The following LRRC4B variants were observed in gnomAD, a reference collection of about 807,000 sequenced individuals.
The protein encoded by LRRC4B is leucine rich repeat containing 4B, also known as leucine-rich repeat-containing protein 4B.
In LRRC4B, 1 loss-of-function variant was observed where a neutral mutation model predicts 7.3. The observed-to-expected ratio is 0.14, with a 90% CI of 0.05 to 0.65. The LOEUF is 0.65. Among genes scored for constraint, LRRC4B ranks in the 30% least tolerant of loss-of-function variants. LRRC4B has a pLI of 0.84. For missense variants in LRRC4B, 730 were observed against 1,041.6 expected (o/e 0.70, Z 4.12); for synonymous variants, 500 against 499.2 (o/e 1.00, Z -0.02).
intron 1 of LRRC4B, among the ~76,000 whole-genome samples, chr19:50,559,862 A>G (rs1982407757): frequency 1.3e-5 from 2 of 152,134 alleles, no homozygotes; most frequent in Non-Finnish European, 2.9e-5. Flanking sequence ...GGCCGGGCGC[A>G]GTGGCTCACG....
At position 50,556,689 on chromosome 19, in the gene LRRC4B, A is replaced by G. The variant is rs577077292; in HGVS notation, c.-35-7816T>C. 3.9e-5 allele frequency among the ~76,000 whole-genome samples: 6 copies of G among 152,278 alleles called. No homozygotes were observed. In the South Asian group the frequency reaches 8.3e-4, roughly 21 times the overall value. ...CCGCGGCGTCCACGGCTGCATCCTCAAGGCCGGCCAACGGCGCTGGCCCCT... is the reference window on the plus strand; with the variant it reads ...CCGCGGCGTCCACGGCTGCATCCTCGAGGCCGGCCAACGGCGCTGGCCCCT... On this transcript the variant is annotated intron_variant, in intron 1 of 2. Transcript: ENST00000652263. This position sits in a 1 kb window ranked among gnomAD's most constrained non-coding sequence, Gnocchi z 4.2.
At position 50,549,927 on chromosome 19, in the gene LRRC4B, G is replaced by C. The variant is rs571514924; in HGVS notation, c.-35-1054C>G. Reference sequence around the variant, plus strand: ...GGGTTCTGGGAGGAAAGCAGACAGCGGGGACTCGGGCCCTCTGAGAAGTCA... The same window carrying C: ...GGGTTCTGGGAGGAAAGCAGACAGCCGGGACTCGGGCCCTCTGAGAAGTCA... On this transcript the variant is annotated intron_variant, in intron 1 of 2. Coordinates refer to ENST00000652263, the MANE Select transcript of LRRC4B (RefSeq NM_001080457.2). 4.6e-5 allele frequency among the ~76,000 whole-genome samples: 7 copies of C among 152,272 alleles called. No individual in the cohort carries two copies. The South Asian group carries it at 1.5e-3, about 32-fold the overall frequency.
chr19:50,534,323 G>A (rs1437166799), intron 2 of LRRC4B, among the ~76,000 whole-genome samples: 2 of 152,106 alleles, frequency 1.3e-5, no homozygotes, highest in African/African-American at 2.4e-5. Context: ...CACCTCTGAA[G>A]TTGTGAGTGT....
intron 1 of LRRC4B, among the ~76,000 whole-genome samples, chr19:50,552,631 T>TGCGC (rs1568733925): frequency 9.2e-6 from 1 of 108,374 alleles, no homozygotes; most frequent in African/African-American, 3.8e-5. Context: ...CATCCATTCA[T>TGCGC]CCATCCGCCC....
chr19:50,559,121 A>AAAAAAG (rs375775863), intron 1 of LRRC4B, among the ~76,000 whole-genome samples: 80 of 152,284 alleles, frequency 5.3e-4, no homozygotes, highest in African/African-American at 1.5e-3. Flanking sequence ...AACTTCCAAA[A>AAAAAAG]AAAAAGAAAA....
In LRRC4B at chr19:50,517,778, G is replaced by T; in HGVS notation, c.1935C>A (p.Gly645=). The change falls in exon 3 of 3, where the codon GGC becomes GGA. Residue 645 remains glycine, a synonymous_variant. Coordinates refer to ENST00000652263, the MANE Select transcript of LRRC4B (RefSeq NM_001080457.2). The surrounding 1 kb of genome is among the most constrained non-coding windows in gnomAD (Gnocchi z 6.6). ...AAAVASGGGV[G]GDSHLALPAL... The stretch of plus-strand genomic sequence containing the variant: ...CGGGCAGGGCCAGGTGGCTGTCCCC[G>T]CCCACACCACCCCCACTGGCCACGG... The T allele has an allele frequency of 6.6e-7, 1 of 1,525,388 alleles. No individual in the cohort carries two copies. 94.5% of individuals were successfully genotyped at this position (1,525,388 alleles called of 1,614,324 possible).
intron 1 of LRRC4B, among the ~76,000 whole-genome samples, chr19:50,550,051 C>G (rs1981988540): frequency 6.6e-6 from 1 of 152,310 alleles, no homozygotes; most frequent in Admixed American, 6.5e-5. Flanking sequence ...TAACAATAGT[C>G]TCTCCGGAAC....
rs12151245 is a variant in LRRC4B, at chr19:50,543,368, C to G, written c.297+5174G>C. Among the ~76,000 whole-genome samples, 432 of 86,978 alleles carry G rather than the reference C, an allele frequency of 5.0e-3. 5 individuals carry two copies. Among genetic ancestry groups the G allele is most frequent in the African/African-American group, 0.018 (363 of 20,640 alleles). 57.1% of individuals were successfully genotyped at this position (86,978 alleles called of 152,430 possible). The stretch of plus-strand genomic sequence containing the variant: ...TGTGTGTGTGTGTGTGTGTGTGTGT[C>G]TCTGTGTGTAAGGGAGAAGTACACT... On this transcript the variant is annotated intron_variant, in intron 2 of 2. Transcript: ENST00000652263.
At chr19:50,559,370 G>A (rs1019090099) in intron 1 of LRRC4B, among the ~76,000 whole-genome samples, 7 of 152,162 alleles carry the variant, frequency 4.6e-5, no homozygotes, top group African/African-American at 1.7e-4. Flanking sequence ...GGAGGCAGAG[G>A]TTGCAGTGAG....
At chr19:50,565,597 G>T in intron 1 of LRRC4B, among the ~76,000 whole-genome samples, 1 of 151,596 alleles carries the variant, frequency 6.6e-6, no homozygotes, top group African/African-American at 2.4e-5. Context: ...CACGTGCCCC[G>T]TGTCTTCCTC....
At chr19:50,551,298 C>A (rs868423975) in intron 1 of LRRC4B, among the ~76,000 whole-genome samples, 1 of 151,352 alleles carries the variant, frequency 6.6e-6, no homozygotes, top group Non-Finnish European at 1.5e-5. Context: ...GGCTTCCTGT[C>A]GAGATCGTGC....
At chr19:50,528,163 C>T (rs1437746694) in intron 2 of LRRC4B, among the ~76,000 whole-genome samples, 1 of 152,110 alleles carries the variant, frequency 6.6e-6, no homozygotes, top group East Asian at 1.9e-4. Context: ...CCACCTCAGC[C>T]TCCCAAGTAG....
At chr19:50,521,847 C>T (rs2122774894) in intron 2 of LRRC4B, among the ~76,000 whole-genome samples, 1 of 152,228 alleles carries the variant, frequency 6.6e-6, no homozygotes, top group Middle Eastern at 3.4e-3. Context: ...CAGGCGTGAA[C>T]CACCGTGCCC....
At position 50,548,680 on chromosome 19, in the gene LRRC4B, C is replaced by A; in HGVS notation, c.159G>T (p.Pro53=). 1.3e-6 allele frequency: 2 copies of A among 1,553,376 alleles called. No individual in the cohort carries two copies. The highest frequency in any genetic ancestry group is 2.4e-5 in the East Asian group (1 of 41,822). Reference sequence around the variant, plus strand: ...AGCAGGCCACGGGGCAGGAGGTGGCCGGCGGGGAGCCCCCTCCGGCGGCAG... The same window carrying A: ...AGCAGGCCACGGGGCAGGAGGTGGCAGGCGGGGAGCCCCCTCCGGCGGCAG... ...VTSAAGGGSP[P]ATSCPVACSC... Residue 53 remains proline (P), a synonymous_variant, in exon 2 of 3, where the codon CCG becomes CCT. Coordinates refer to ENST00000652263, the MANE Select transcript of LRRC4B (RefSeq NM_001080457.2). The surrounding 1 kb of genome is among the most constrained non-coding windows in gnomAD (Gnocchi z 6.8).
At position 50,543,852 on chromosome 19, in the gene LRRC4B, C is replaced by CAAAAAA. The variant is rs36044151; in HGVS notation, c.297+4684_297+4689dup. ...TGGGTGACAGAGTGAGCCTCCATCT[C>CAAAAAA]AAAAAAAAAAAAAAAAAAAAAGAAA... On this transcript the variant is annotated intron_variant, in intron 2 of 2. Coordinates refer to ENST00000652263, the MANE Select transcript of LRRC4B (RefSeq NM_001080457.2). Among the ~76,000 whole-genome samples, 143 of 83,326 alleles carry CAAAAAA rather than the reference C, an allele frequency of 1.7e-3. 1 individual carries two copies. The highest frequency in any genetic ancestry group is 6.7e-3 in the African/African-American group (133 of 19,918). 54.7% of individuals were successfully genotyped at this position (83,326 alleles called of 152,430 possible). A position where few individuals can be genotyped will look rare whatever the true frequency, so the allele number is the denominator to read the frequency against.
At chr19:50,544,453 G>A (rs1981709395) in intron 2 of LRRC4B, among the ~76,000 whole-genome samples, 2 of 151,360 alleles carry the variant, frequency 1.3e-5, no homozygotes, top group Admixed American at 1.3e-4. Flanking sequence ...CTTGCAGTGA[G>A]CCGAGATCAC....
intron 2 of LRRC4B, among the ~76,000 whole-genome samples, chr19:50,532,283 G>A (rs1354299073): frequency 9.9e-5 from 15 of 152,268 alleles, no homozygotes; most frequent in Middle Eastern, 3.4e-3. Context: ...CACTGGTCCT[G>A]TCTCTGGGCT....
rs752550061 is a variant in LRRC4B, at chr19:50,518,880, G to A, written c.833C>T (p.Ser278Leu). The A allele has an allele frequency of 5.0e-6, 8 of 1,614,078 alleles. 1 individual carries two copies. Among genetic ancestry groups the A allele is most frequent in the South Asian group, 4.4e-5 (4 of 91,068 alleles). Reference sequence around the variant, plus strand: ...GTGGGACAGGTTGAGCTCCTCCAGCGACTTGAGGTCGTCGAAGGCGTTGCG... The same window carrying A: ...GTGGGACAGGTTGAGCTCCTCCAGCAACTTGAGGTCGTCGAAGGCGTTGCG... ...IERNAFDDLK[S>L]LEELNLSHNN... Residue 278 changes from serine (S) to leucine (L), a missense_variant, in exon 3 of 3, where the codon TCG (serine) becomes TTG (leucine). Ser to Leu is a moderately radical substitution (Grantham distance 145). Transcript: ENST00000652263.
At chr19:50,529,989 CT>C (rs201200861) in intron 2 of LRRC4B, among the ~76,000 whole-genome samples, 2,416 of 152,040 alleles carry the variant, frequency 0.016, 62 homozygotes, top group African/African-American at 0.052. Flanking sequence ...TGGGCCCCCC[CT>C]AGCTCATCCT....
Sources: allele counts gnomAD v4.1 joint callset (sites outside exome capture counted in the v4.1 genomes callset), GRCh38; gene constraint gnomAD v4.1.1; non-coding constraint Gnocchi (gnomAD v3.1); transcripts MANE v1.5; gene names NCBI Gene and HGNC (gene_info 2026-07-23, HGNC 2026-07-21).